Variants in HDAC9 observed in about 807,000 individuals in gnomAD.
The protein encoded by HDAC9 is histone deacetylase 9.
A neutral mutation model predicts 139.4 loss-of-function variants in HDAC9; 41 were observed. That is an observed-to-expected ratio of 0.29 (90% CI 0.23 to 0.38). HDAC9 has a LOEUF of 0.38. Among genes scored for constraint, HDAC9 ranks in the 10% least tolerant of loss-of-function variants. HDAC9 has a pLI of 1.00. For synonymous variants in HDAC9, 517 were observed against 476.2 expected (o/e 1.09, Z -1.12); for missense variants, 1,147 against 1,297.0 (o/e 0.88, Z 1.78).
rs141104426 is a variant in HDAC9, at chr7:18,566,136, G to A, written c.23-19145G>A. Among the ~76,000 whole-genome samples, 318 of 152,346 alleles carry A rather than the reference G, an allele frequency of 2.1e-3. 1 individual carries two copies. Among genetic ancestry groups the A allele is most frequent in the Non-Finnish European group, 3.8e-3 (257 of 68,034 alleles). ...CCTTAAGAAGCAACTATTGTAGAAA[G>A]TGGTGTTTTCATTGAGAGAGAAAAT... is the stretch of plus-strand genomic sequence containing the variant. On this transcript the variant is annotated intron_variant, in intron 2 of 25. Transcript: ENST00000686413.
At position 18,484,331 on chromosome 7, in the gene HDAC9, T is replaced by C. The variant is rs1586217997; in HGVS notation, c.-41-11931T>C. Among the ~76,000 whole-genome samples, 4 of 150,142 alleles carry C rather than the reference T, an allele frequency of 2.7e-5. 1 individual carries two copies. In the East Asian group the frequency reaches 7.8e-4, roughly 29 times the overall value. ...ACCTGGGTGACAGAGCAAGATCCTA[T>C]TAAAAAAAAAAAAAGTAAATGTCTA... On this transcript the variant is annotated intron_variant, in intron 1 of 3. Transcript: ENST00000413509.
chr7:18,743,180 A>G (rs1471987697), intron 13 of HDAC9, among the ~76,000 whole-genome samples: 1 of 152,150 alleles, frequency 6.6e-6, no homozygotes, highest in African/African-American at 2.4e-5. Context: ...GCCAACTTAC[A>G]TGCTGGTTGA....
Position 18,228,839 on chromosome 7 carries a change from T to C in HDAC9, c.25+66490T>C, listed in dbSNP as rs931800570. 3.9e-5 allele frequency among the ~76,000 whole-genome samples: 6 copies of C among 152,170 alleles called. 1 individual carries two copies. Among genetic ancestry groups the C allele is most frequent in the Admixed American group, 3.9e-4 (6 of 15,270 alleles). On this transcript the variant is annotated intron_variant, in intron 2 of 12. Transcript: ENST00000417496. ...CTTCCAAACTAGCCTGTTATCTTTA[T>C]AAGTTTATGAGGTAGTAAAATGGAA... is the stretch of plus-strand genomic sequence containing the variant.
Position 18,499,078 on chromosome 7 carries a change from GTA to G in HDAC9, c.22+2756_22+2757del, listed in dbSNP as rs1797696086. 9.3e-5 allele frequency among the ~76,000 whole-genome samples: 3 copies of G among 32,346 alleles called. No homozygotes were observed. The South Asian group carries it at 3.4e-3, about 37-fold the overall frequency. 21.2% of individuals were successfully genotyped at this position (32,346 alleles called of 152,430 possible). ...ATCACTATAGGTAAGAGTAGGGTGT[GTA>G]TGTGTGTGTGTGTGTGTGTGTGTTC... is the stretch of plus-strand genomic sequence containing the variant. On this transcript the variant is annotated intron_variant, in intron 2 of 25. Transcript: ENST00000686413.
chr7:18,876,643 A>T (rs1799339780), intron 22 of HDAC9, among the ~76,000 whole-genome samples: 1 of 152,014 alleles, frequency 6.6e-6, no homozygotes. Context: ...AAATTGCATG[A>T]GGCATTTTCT....
At chr7:18,280,380 G>C (rs1477542240) in intron 2 of HDAC9, among the ~76,000 whole-genome samples, 1 of 152,084 alleles carries the variant, frequency 6.6e-6, no homozygotes, top group African/African-American at 2.4e-5. Flanking sequence ...ATGAGGTCAG[G>C]GGTTCGAGAA....
intron 2 of HDAC9, among the ~76,000 whole-genome samples, chr7:18,214,663 G>A (rs570930239): frequency 2.0e-4 from 31 of 152,026 alleles, no homozygotes; most frequent in African/African-American, 7.0e-4. Flanking sequence ...ATATATGATA[G>A]CCATTATATA....
At chr7:18,931,784 C>G (rs1563066073) in intron 22 of HDAC9, among the ~76,000 whole-genome samples, 2 of 152,046 alleles carry the variant, frequency 1.3e-5, no homozygotes, top group African/African-American at 2.4e-5. Flanking sequence ...AATTTATTTT[C>G]TTTTCAAACT....
rs754142568 is a variant in HDAC9 at position 18,444,341 on chromosome 7, G to GAA, written c.-41-51896_-41-51895dup. ...TAGGTGACAGAGTGAGACCCTGTCT[G>GAA]AAAAAAAAAAAAAAAAAAAAAAAAA... is the stretch of plus-strand genomic sequence containing the variant. On this transcript the variant is annotated intron_variant, in intron 1 of 3. Transcript: ENST00000413509. Among the ~76,000 whole-genome samples, 186 of 35,168 alleles carry GAA rather than the reference G, an allele frequency of 5.3e-3. 19 individuals carry two copies. Among genetic ancestry groups the GAA allele is most frequent in the African/African-American group, 0.018 (169 of 9,156 alleles). 23.1% of individuals were successfully genotyped at this position (35,168 alleles called of 152,430 possible). A position where few individuals can be genotyped will look rare whatever the true frequency, so the allele number is the denominator to read the frequency against.
At chr7:18,382,345 T>A (rs780662031) in intron 1 of HDAC9, among the ~76,000 whole-genome samples, 4 of 152,216 alleles carry the variant, frequency 2.6e-5, no homozygotes, top group Non-Finnish European at 5.9e-5. Context: ...TCCACCATGG[T>A]ATTCTGGAAG....
Position 18,888,486 on chromosome 7 carries a change from A to G in HDAC9, c.2803+13890A>G, listed in dbSNP as rs185010524. 3.3e-5 allele frequency among the ~76,000 whole-genome samples: 5 copies of G among 152,358 alleles called. No homozygotes were observed. In the East Asian group the frequency reaches 9.6e-4, roughly 29 times the overall value. On this transcript the variant is annotated intron_variant, in intron 22 of 25. Transcript: ENST00000686413. Reference sequence around the variant, plus strand: ...GCTCTCAGGATTTGATACGTTTTCAATAAACAATAGGAAAAGTGACATAAT... The same window carrying G: ...GCTCTCAGGATTTGATACGTTTTCAGTAAACAATAGGAAAAGTGACATAAT...
intron 22 of HDAC9, among the ~76,000 whole-genome samples, chr7:18,882,843 T>C (rs990070233): frequency 2.6e-5 from 4 of 152,124 alleles, no homozygotes; most frequent in Non-Finnish European, 4.4e-5. Flanking sequence ...TGTAGCTTTT[T>C]TGAAGGTGTT....
At chr7:18,449,637 A>G (rs1792626983) in intron 1 of HDAC9, among the ~76,000 whole-genome samples, 1 of 152,176 alleles carries the variant, frequency 6.6e-6, no homozygotes, top group Non-Finnish European at 1.5e-5. Flanking sequence ...TACATAAAAT[A>G]AAAAAGTTTC....
At chr7:18,466,569 C>G (rs937627016) in intron 1 of HDAC9, among the ~76,000 whole-genome samples, 11 of 152,166 alleles carry the variant, frequency 7.2e-5, no homozygotes, top group African/African-American at 2.4e-4. Context: ...TTGCTTCTGT[C>G]TCTTTATCAT....
At chr7:18,536,523 G>A (rs746203311) in intron 2 of HDAC9, among the ~76,000 whole-genome samples, 1 of 152,140 alleles carries the variant, frequency 6.6e-6, no homozygotes, top group Non-Finnish European at 1.5e-5. Context: ...ATTCAGTGAG[G>A]AAACATTCAG....
At chr7:18,776,941 A>G (rs180775803) in intron 16 of HDAC9, among the ~76,000 whole-genome samples, 11 of 152,146 alleles carry the variant, frequency 7.2e-5, no homozygotes, top group Admixed American at 7.2e-4. Context: ...TGTTCTATTC[A>G]GAACACACAG....
At chr7:18,252,608 T>A (rs1794986743) in intron 2 of HDAC9, among the ~76,000 whole-genome samples, 1 of 152,184 alleles carries the variant, frequency 6.6e-6, no homozygotes, top group Non-Finnish European at 1.5e-5. Context: ...ACACTTTGAA[T>A]GTATTACTTT....
intron 2 of HDAC9, among the ~76,000 whole-genome samples, chr7:18,181,144 G>A (rs1789398134): frequency 1.3e-5 from 2 of 152,246 alleles, no homozygotes; most frequent in South Asian, 2.1e-4. Flanking sequence ...CAAGTTCTAG[G>A]GATAAGGATG....
chr7:18,793,981 C>G (rs923697549), intron 17 of HDAC9, among the ~76,000 whole-genome samples: 2 of 152,102 alleles, frequency 1.3e-5, no homozygotes, highest in Non-Finnish European at 2.9e-5. Context: ...CTTTATTGTT[C>G]TTTTCTTTTT....
Sources: allele counts gnomAD v4.1 joint callset (sites outside exome capture counted in the v4.1 genomes callset), GRCh38; gene constraint gnomAD v4.1.1; transcripts MANE v1.5; gene names NCBI Gene and HGNC (gene_info 2026-07-23, HGNC 2026-07-21).